Variants in NSMCE2 observed in about 807,000 individuals in gnomAD.
NSMCE2 encodes E3 SUMO-protein ligase NSE2.
Under a neutral mutation model 23.8 loss-of-function variants are expected in NSMCE2, and 24 were observed. The observed-to-expected ratio is 1.01, with a 90% confidence interval of 0.73 to 1.42. NSMCE2 has a LOEUF of 1.42. NSMCE2 is among the 40% of genes most tolerant of loss of function. The probability of loss-of-function intolerance (pLI) is 0.00; values close to 1 mark genes in which losing one functional copy is unlikely to be tolerated. For synonymous variants in NSMCE2, 92 were observed against 94.1 expected, an observed-to-expected ratio of 0.98 and a Z score of 0.13; for missense variants, 284 against 296.5, an observed-to-expected ratio of 0.96 and a Z score of 0.31.
chr8:125,195,366 G>T (rs184370913), intron 5 of NSMCE2, among the ~76,000 whole-genome samples: 132 of 152,106 alleles, frequency 8.7e-4, no homozygotes, highest in African/African-American at 3.2e-3. Context: ...TTTACTAGGC[G>T]CTCTAAACGA....
intron 5 of NSMCE2, among the ~76,000 whole-genome samples, chr8:125,192,392 T>C (rs7823372): frequency 0.098 from 14,840 of 151,836 alleles, 936 homozygotes; most frequent in South Asian, 0.17. Flanking sequence ...TGGTGTGTTA[T>C]TGTGTGTATA....
chr8:125,121,033 T>A (rs1418470891), intron 3 of NSMCE2, among the ~76,000 whole-genome samples: 2 of 152,232 alleles, frequency 1.3e-5, no homozygotes, highest in African/African-American at 4.8e-5. Context: ...TTCTTAAACT[T>A]ACTGAAAAAG....
intron 3 of NSMCE2, among the ~76,000 whole-genome samples, chr8:125,126,698 T>G (rs1819534944): frequency 6.6e-6 from 1 of 152,176 alleles, no homozygotes; most frequent in African/African-American, 2.4e-5. Flanking sequence ...ATCAGGTCGC[T>G]AGGTTCAAAC....
In NSMCE2 at chr8:125,182,123, A is replaced by C; in HGVS notation, c.285A>C (p.Glu95Asp). The change falls in exon 5 of 8, where the codon GAA (glutamate) becomes GAC (aspartate). Residue 95 changes from glutamate to aspartate, a missense_variant. By Grantham distance (45) the Glu-to-Asp change is conservative (BLOSUM62 2). Transcript: ENST00000287437. Reference sequence around the variant, plus strand: ...CTTAGGTGAAAGAAGAACGTCCAGAAAAAATACCAGATTTAAAATTATTGG... The same window carrying C: ...CTTAGGTGAAAGAAGAACGTCCAGACAAAATACCAGATTTAAAATTATTGG... ...TINHVKEERPEKIPDLKLLVE... is the reference protein window; with the variant it reads ...TINHVKEERPDKIPDLKLLVE... The C allele has an allele frequency of 6.3e-7, 1 of 1,598,896 alleles. No individual in the cohort carries two copies. Among genetic ancestry groups the C allele is most frequent in the Non-Finnish European group, 8.5e-7 (1 of 1,175,116 alleles).
intron 3 of NSMCE2, among the ~76,000 whole-genome samples, chr8:125,125,397 T>G (rs935022867): frequency 4.6e-5 from 7 of 152,200 alleles, no homozygotes; most frequent in African/African-American, 1.7e-4. Context: ...CACTTCCATC[T>G]ATTATCACAG....
intron 3 of NSMCE2, among the ~76,000 whole-genome samples, chr8:125,138,923 A>G (rs534433416): frequency 6.6e-6 from 1 of 152,274 alleles, no homozygotes; most frequent in East Asian, 1.9e-4. Context: ...AACCTCTCTG[A>G]GCCTCAATTT....
chr8:125,160,286 C>A (rs932130677), intron 4 of NSMCE2, among the ~76,000 whole-genome samples: 1 of 152,108 alleles, frequency 6.6e-6, no homozygotes, highest in Non-Finnish European at 1.5e-5. Flanking sequence ...TATAAGGTTG[C>A]CTAGAACGTT....
intron 5 of NSMCE2, among the ~76,000 whole-genome samples, chr8:125,293,153 T>C (rs1828181786): frequency 6.6e-6 from 1 of 152,224 alleles, no homozygotes; most frequent in African/African-American, 2.4e-5. Flanking sequence ...TACTATATTC[T>C]GGGTACCATT....
chr8:125,188,457 G>A (rs1171605436), intron 5 of NSMCE2, among the ~76,000 whole-genome samples: 1 of 152,124 alleles, frequency 6.6e-6, no homozygotes, highest in Non-Finnish European at 1.5e-5. Context: ...TGTCACCCCT[G>A]CCAGCCTATT....
intron 5 of NSMCE2, among the ~76,000 whole-genome samples, chr8:125,355,001 G>A (rs555491791): frequency 1.3e-5 from 2 of 152,208 alleles, no homozygotes; most frequent in Non-Finnish European, 2.9e-5. Context: ...GGCTATGTGT[G>A]TAAGCTTTAT....
intron 5 of NSMCE2, among the ~76,000 whole-genome samples, chr8:125,219,435 A>C (rs529186523): frequency 3.9e-4 from 59 of 152,204 alleles, no homozygotes; most frequent in Non-Finnish European, 7.1e-4. Context: ...AAATAGCTTA[A>C]GTGTGATTCA....
intron 3 of NSMCE2, among the ~76,000 whole-genome samples, chr8:125,103,134 G>C (rs184042574): frequency 1.3e-5 from 2 of 151,958 alleles, no homozygotes; most frequent in Non-Finnish European, 2.9e-5. Flanking sequence ...GTGAAACCCC[G>C]TCTCTACTAA....
intron 5 of NSMCE2, among the ~76,000 whole-genome samples, chr8:125,352,128 G>A (rs1235910875): frequency 6.6e-6 from 1 of 152,244 alleles, no homozygotes; most frequent in South Asian, 2.1e-4. Context: ...TATATGACGT[G>A]CTTAGCACTG....
intron 5 of NSMCE2, among the ~76,000 whole-genome samples, chr8:125,245,349 C>CA (rs1267900071): frequency 1.3e-5 from 2 of 152,042 alleles, no homozygotes; most frequent in Non-Finnish European, 2.9e-5. Flanking sequence ...ATAATGCTGA[C>CA]AAATACACAT....
intron 5 of NSMCE2, among the ~76,000 whole-genome samples, chr8:125,352,159 G>C (rs1813062562): frequency 6.6e-6 from 1 of 152,050 alleles, no homozygotes; most frequent in Non-Finnish European, 1.5e-5. Flanking sequence ...ATAACATTCA[G>C]TAAATTTGAG....
intron 5 of NSMCE2, among the ~76,000 whole-genome samples, chr8:125,331,870 T>C (rs1379715763): frequency 6.6e-6 from 1 of 152,220 alleles, no homozygotes; most frequent in African/African-American, 2.4e-5. Context: ...AGAAGTCTGG[T>C]CTGGGTACTT....
intron 5 of NSMCE2, among the ~76,000 whole-genome samples, chr8:125,320,237 G>A (rs55808247): frequency 0.15 from 6,168 of 41,732 alleles, 372 homozygotes; most frequent in South Asian, 0.23. Context: ...GGAGGGAAGG[G>A]AGGGAGGGAG....
At chr8:125,191,475 A>G (rs1035935581) in intron 5 of NSMCE2, among the ~76,000 whole-genome samples, 1 of 152,218 alleles carries the variant, frequency 6.6e-6, no homozygotes, top group Non-Finnish European at 1.5e-5. Context: ...CTTCCAGATC[A>G]TAGAACTGCC....
chr8:125,171,123 T>C (rs1158756070), intron 4 of NSMCE2, among the ~76,000 whole-genome samples: 1 of 152,222 alleles, frequency 6.6e-6, no homozygotes, highest in Non-Finnish European at 1.5e-5. Flanking sequence ...CGTCTTTTCA[T>C]TGAAGCCTGC....
Sources: gnomAD v4.1 joint callset for allele counts (sites outside exome capture counted in the v4.1 genomes callset) on GRCh38, gnomAD v4.1.1 for gene constraint, MANE v1.5 for transcripts, NCBI Gene and HGNC (gene_info 2026-07-23, HGNC 2026-07-21) for gene names.